CCSER2: variants seen among roughly 807,000 people sequenced by gnomAD.
CCSER2 encodes coiled-coil serine rich protein 2.
Under a neutral mutation model 92.3 loss-of-function variants are expected in CCSER2, and 46 were observed. The ratio of observed to expected loss-of-function variants is 0.50; its 90% CI spans 0.39 to 0.64. The LOEUF (loss-of-function observed/expected upper bound fraction) is 0.64. Among genes scored for constraint, CCSER2 ranks in the 30% least tolerant of loss-of-function variants. CCSER2 has a pLI of 0.00. For synonymous variants in CCSER2, 433 were observed against 431.4 expected (o/e 1.00, Z -0.04); for missense variants, 1,244 against 1,238.9 (o/e 1.00, Z -0.06).
At chr10:84,330,087 C>CT (rs1843476141) in intron 1 of CCSER2, among the ~76,000 whole-genome samples, 1 of 152,174 alleles carries the variant, frequency 6.6e-6, no homozygotes, top group Non-Finnish European at 1.5e-5. Flanking sequence ...ACATTCAGAC[C>CT]TGCATTTTTT....
chr10:84,495,498 A>G (rs945950335), intron 9 of CCSER2, among the ~76,000 whole-genome samples: 5 of 152,074 alleles, frequency 3.3e-5, no homozygotes, highest in African/African-American at 4.8e-5. Flanking sequence ...CTTGAGTTTT[A>G]TGTCATTGCT....
chr10:84,515,216 C>A lies in CCSER2; in HGVS notation c.*949C>A, dbSNP rs561117965. On this transcript the variant is annotated 3_prime_UTR_variant, in exon 10 of 10. Transcript: ENST00000372088. The stretch of plus-strand genomic sequence containing the variant: ...ATATTTATTGATTTTCTGCTAATAT[C>A]TGAAGACTGAAATAATGAACTTGAA... 6.6e-6 allele frequency: 1 copy of A among 152,626 alleles called. No individual in the cohort carries two copies. Among genetic ancestry groups the A allele is most frequent in the South Asian group, 2.1e-4 (1 of 4,820 alleles). 9.5% of individuals were successfully genotyped at this position (152,626 alleles called of 1,614,324 possible).
At chr10:84,442,261 A>G (rs1844616895) in intron 6 of CCSER2, among the ~76,000 whole-genome samples, 1 of 152,170 alleles carries the variant, frequency 6.6e-6, no homozygotes, top group Non-Finnish European at 1.5e-5. Flanking sequence ...TGATGGTGCT[A>G]CATTAAAAAA....
chr10:84,448,389 G>A (rs1845060975), intron 6 of CCSER2, among the ~76,000 whole-genome samples: 2 of 151,912 alleles, frequency 1.3e-5, no homozygotes, highest in Admixed American at 1.3e-4. Context: ...CATGGATACT[G>A]TTTTCACTCC....
chr10:84,488,880 C>G (rs1455694207), intron 9 of CCSER2, among the ~76,000 whole-genome samples: 1 of 152,116 alleles, frequency 6.6e-6, no homozygotes, highest in Non-Finnish European at 1.5e-5. Flanking sequence ...GCATTTAGTG[C>G]TATAAATTTC....
intron 3 of CCSER2, among the ~76,000 whole-genome samples, chr10:84,378,811 AATC>A (rs1846485894): frequency 6.6e-6 from 1 of 152,096 alleles, no homozygotes; most frequent in African/African-American, 2.4e-5. Flanking sequence ...GGGCTGAAGT[AATC>A]CTCCTCCCAC....
rs11325480 is a variant in CCSER2 at position 84,357,451 on chromosome 10, G to GTTT, written c.-39-13549_-39-13547dup. ...TTTATGACATTTATTATATTTTTGT[G>GTTT]TTTTTTTTTTTTTTTTGAGACGGAG... On this transcript the variant is annotated intron_variant, in intron 1 of 9. Transcript: ENST00000372088. Among the ~76,000 whole-genome samples, 57 of 115,542 alleles carry GTTT rather than the reference G, an allele frequency of 4.9e-4. 1 individual carries two copies. Among genetic ancestry groups the GTTT allele is most frequent in the South Asian group, 2.4e-3 (9 of 3,758 alleles). 75.8% of individuals were successfully genotyped at this position (115,542 alleles called of 152,430 possible). A position where few individuals can be genotyped will look rare whatever the true frequency, so the allele number is the denominator to read the frequency against.
At chr10:84,348,014 G>A (rs894956708) in intron 1 of CCSER2, among the ~76,000 whole-genome samples, 3 of 152,190 alleles carry the variant, frequency 2.0e-5, no homozygotes, top group Non-Finnish European at 4.4e-5. Context: ...AACGATGGGC[G>A]GCCAGGCAGA....
At chr10:84,441,736 G>GTT (rs869280119) in intron 6 of CCSER2, among the ~76,000 whole-genome samples, 4 of 43,646 alleles carry the variant, frequency 9.2e-5, no homozygotes, top group Non-Finnish European at 1.9e-4. Flanking sequence ...CTGGGAAAAT[G>GTT]TTTTTTTTTT....
At chr10:84,349,487 T>G (rs990351745) in intron 1 of CCSER2, among the ~76,000 whole-genome samples, 5 of 151,816 alleles carry the variant, frequency 3.3e-5, no homozygotes, top group Admixed American at 2.6e-4. Flanking sequence ...GGCAACATAC[T>G]GAGACCACAC....
intron 3 of CCSER2, among the ~76,000 whole-genome samples, chr10:84,406,943 T>C (rs1013102318): frequency 2.0e-5 from 3 of 152,188 alleles, no homozygotes; most frequent in Non-Finnish European, 4.4e-5. Context: ...ATTCTAATGA[T>C]ATCTGTGATG....
chr10:84,421,002 A>G (rs933146966), intron 4 of CCSER2, among the ~76,000 whole-genome samples: 3 of 151,830 alleles, frequency 2.0e-5, no homozygotes, highest in Non-Finnish European at 4.4e-5. Context: ...TTCTCCCAGT[A>G]TCAGTGGAGT....
intron 9 of CCSER2, among the ~76,000 whole-genome samples, chr10:84,483,505 G>A (rs1025825886): frequency 1.3e-5 from 2 of 151,562 alleles, no homozygotes; most frequent in Non-Finnish European, 2.9e-5. Context: ...AACTATCACA[G>A]TTACATCACA....
Position 84,352,366 on chromosome 10 carries a change from A to G in CCSER2, c.-39-18648A>G, listed in dbSNP as rs189453196. Reference sequence around the variant, plus strand: ...CAATCCTTCTGAGGCTCAATCTTGAAGGTAGAGGAGCCAAGGTGAGGTGTG... The same window carrying G: ...CAATCCTTCTGAGGCTCAATCTTGAGGGTAGAGGAGCCAAGGTGAGGTGTG... On this transcript the variant is annotated intron_variant, in intron 1 of 9. Coordinates refer to ENST00000372088, the MANE Select transcript of CCSER2 (RefSeq NM_001284240.2). 3.3e-5 allele frequency among the ~76,000 whole-genome samples: 5 copies of G among 152,214 alleles called. No individual in the cohort carries two copies. The South Asian group carries it at 6.2e-4, about 19-fold the overall frequency.
At chr10:84,468,002 C>G (rs768302953) in intron 7 of CCSER2, among the ~76,000 whole-genome samples, 4 of 152,210 alleles carry the variant, frequency 2.6e-5, no homozygotes, top group Non-Finnish European at 5.9e-5. Context: ...AAAGCCATCT[C>G]AAATGCAAAT....
At chr10:84,443,755 A>G (rs143486752) in intron 6 of CCSER2, among the ~76,000 whole-genome samples, 19 of 152,338 alleles carry the variant, frequency 1.2e-4, no homozygotes, top group Middle Eastern at 3.4e-3. Context: ...ATGCCCATCA[A>G]TGATAGACTG....
chr10:84,337,592 A>G (rs994926623), intron 1 of CCSER2, among the ~76,000 whole-genome samples: 3 of 152,234 alleles, frequency 2.0e-5, no homozygotes, highest in Non-Finnish European at 4.4e-5. Flanking sequence ...AAGCTAAATA[A>G]CAGGGTGGTA....
intron 1 of CCSER2, among the ~76,000 whole-genome samples, chr10:84,332,140 T>G (rs1589367927): frequency 6.6e-6 from 1 of 152,134 alleles, no homozygotes; most frequent in African/African-American, 2.4e-5. Flanking sequence ...TATCATACTT[T>G]ATAGGTTTTT....
chr10:84,338,206 C>T (rs1843948130), intron 1 of CCSER2, among the ~76,000 whole-genome samples: 1 of 151,650 alleles, frequency 6.6e-6, no homozygotes, highest in African/African-American at 2.4e-5. Context: ...ATTGCTTGAA[C>T]CCGGGAGGCA....
Sources: allele counts gnomAD v4.1 joint callset (sites outside exome capture counted in the v4.1 genomes callset), GRCh38; gene constraint gnomAD v4.1.1; transcripts MANE v1.5; gene names NCBI Gene and HGNC (gene_info 2026-07-23, HGNC 2026-07-21).